The following EPX variants were observed in gnomAD, a reference collection of about 807,000 sequenced individuals.
EPX encodes the protein eosinophil peroxidase.
Under a neutral mutation model 73.0 loss-of-function variants are expected in EPX, and 60 were observed. The observed-to-expected ratio is 0.82, with a 90% CI of 0.67 to 1.02. The LOEUF (loss-of-function observed/expected upper bound fraction) is 1.02. Among genes scored for constraint, EPX ranks in the 50% least tolerant of loss-of-function variants. The probability of loss-of-function intolerance (pLI) is 0.00; values close to 1 mark genes in which losing one functional copy is unlikely to be tolerated. For synonymous variants in EPX, 347 were observed against 389.2 expected, an observed-to-expected ratio of 0.89 and a Z score of 1.28; for missense variants, 950 against 973.9, an observed-to-expected ratio of 0.98 and a Z score of 0.33.
intron 10 of EPX, chr17:58,202,275 C>T (rs1490719085): frequency 6.6e-6 from 1 of 152,290 alleles, no homozygotes; most frequent in Non-Finnish European, 1.5e-5. Flanking sequence ...GCAAAGCTAT[C>T]TCCTACCTTG....
rs35620058 is a variant in EPX at position 58,195,204 on chromosome 17, T to C, written c.801+34T>C. ...CCTCAGCCAATCTCCCATGCCCTTG[T>C]GTGGCCTCCCCCAAAGGCAAGGTGC... On this transcript the variant is annotated intron_variant, in intron 6 of 12. Transcript: ENST00000225371. 9.6e-3 allele frequency: 14,887 copies of C among 1,554,554 alleles called. 100 individuals carry two copies. Among genetic ancestry groups the C allele is most frequent in the Non-Finnish European group, 0.011 (12,666 of 1,127,266 alleles).
Position 58,199,526 on chromosome 17 carries a change from T to C in EPX, c.1282-13T>C, listed in dbSNP as rs1236608859. 6.2e-7 allele frequency: 1 copy of C among 1,613,936 alleles called. No homozygotes were observed. ...TAGCCTCTGGGGAATGTTCCTCCTG[T>C]CTTCCCTTCCAGATCATCACCTACC... On this transcript the variant is annotated splice_polypyrimidine_tract_variant and intron_variant, in intron 8 of 12. Transcript: ENST00000225371.
chr17:58,194,894 C>T (rs1968231359), intron 5 of EPX, 70 bp from the exon 6 acceptor site: 1 of 1,161,118 alleles, frequency 8.6e-7, no homozygotes, highest in Non-Finnish European at 1.3e-6. Flanking sequence ...CTCCCTGAGT[C>T]CTGGGTTGGC....
Position 58,192,772 on chromosome 17 carries a change from G to C in EPX, c.-75G>C, listed in dbSNP as rs759154867. ...GGTCGGCTGGGGGTCCTCAAAGTGAGAGGGGAGCAGAGGATCCTCCCGTGC... is the reference window on the plus strand; with the variant it reads ...GGTCGGCTGGGGGTCCTCAAAGTGACAGGGGAGCAGAGGATCCTCCCGTGC... On this transcript the variant is annotated 5_prime_UTR_variant, in exon 1 of 13. Transcript: ENST00000225371. The C allele has an allele frequency of 7.7e-7, 1 of 1,305,680 alleles. No individual in the cohort carries two copies. 80.9% of individuals were successfully genotyped at this position (1,305,680 alleles called of 1,614,324 possible).
intron 7 of EPX, 73 bp downstream of exon 7, chr17:58,197,330 G>A: frequency 6.4e-7 from 1 of 1,565,814 alleles, no homozygotes; most frequent in South Asian, 1.1e-5. Context: ...AAGCAATGGT[G>A]GGATGTGGTG....
Position 58,195,085 on chromosome 17 carries a change from C to T in EPX, c.716C>T (p.Pro239Leu), listed in dbSNP as rs755977833. The change falls in exon 6 of 13, where the codon CCG becomes CTG. Residue 239 changes from proline (P) to leucine (L), a missense_variant. Pro to Leu is a moderately conservative substitution (Grantham distance 98, BLOSUM62 -3). Transcript: ENST00000225371. ...QFIDHDLDFS[P>L]ESPARVAFTA... The stretch of plus-strand genomic sequence containing the variant: ...ATTGACCATGACCTGGACTTCTCCC[C>T]GGAGTCCCCGGCCAGAGTGGCCTTC... 35 of 1,613,826 alleles carry T rather than the reference C, an allele frequency of 2.2e-5. No individual in the cohort carries two copies. Among genetic ancestry groups the T allele is most frequent in the Non-Finnish European group, 2.8e-5 (33 of 1,179,790 alleles).
At chr17:58,203,802 G>T (rs1372012090) in intron 11 of EPX, among the ~76,000 whole-genome samples, 1 of 149,546 alleles carries the variant, frequency 6.7e-6, no homozygotes, top group Admixed American at 6.6e-5. Flanking sequence ...CGTAGTGGCG[G>T]GCGCCTGTAG....
intron 11 of EPX, among the ~76,000 whole-genome samples, chr17:58,203,569 T>C (rs1018157736): frequency 1.3e-5 from 2 of 152,100 alleles, no homozygotes; most frequent in Admixed American, 6.5e-5. Context: ...CTCACTATTC[T>C]GGGTTGGTGG....
chr17:58,198,116 G>A (rs575158703), intron 7 of EPX, among the ~76,000 whole-genome samples: 3 of 152,324 alleles, frequency 2.0e-5, no homozygotes, highest in African/African-American at 7.2e-5. Flanking sequence ...GATTACAGGT[G>A]TGAGCCACCA....
rs1252152480 is a variant in EPX, at chr17:58,197,127, C to T, written c.990C>T (p.Asn330=). 6.2e-7 allele frequency: 1 copy of T among 1,614,076 alleles called. No homozygotes were observed. Among genetic ancestry groups the T allele is most frequent in the Non-Finnish European group, 8.5e-7 (1 of 1,180,052 alleles). ...SLSLRLRNRT[N]YLGLLAINQR... is the part of the protein sequence containing the mutation. ...CGCTGCGGCTCCGCAACCGGACCAA[C>T]TACCTGGGGCTGCTGGCCATCAACC... Residue 330 remains asparagine (N), a synonymous_variant, in exon 7 of 13, where the codon AAC becomes AAT. Transcript: ENST00000225371.
At chr17:58,201,674 CA>C (rs1352031144) in intron 10 of EPX, among the ~76,000 whole-genome samples, 2 of 152,092 alleles carry the variant, frequency 1.3e-5, no homozygotes, top group Non-Finnish European at 2.9e-5. Context: ...CTTTGCCCAG[CA>C]GGATATGATA....
intron 6 of EPX, 75 bp downstream of exon 6, chr17:58,195,245 G>A (rs760730928): frequency 6.0e-6 from 7 of 1,176,058 alleles, no homozygotes; most frequent in Non-Finnish European, 7.6e-6. Flanking sequence ...GTGGGGATCT[G>A]GAAGACTGGA....
Position 58,204,757 on chromosome 17 carries a change from C to A in EPX, c.*33C>A. On this transcript the variant is annotated 3_prime_UTR_variant, in exon 13 of 13. Coordinates refer to ENST00000225371, the MANE Select transcript of EPX (RefSeq NM_000502.6). ...ACAGGAGTCTATCCCAAGTCTCCAA[C>A]TTTTGGAGACAAGGGGAAGGGGAGG... The A allele has an allele frequency of 6.4e-6, 2 of 310,574 alleles. No individual in the cohort carries two copies. The highest frequency in any genetic ancestry group is 1.2e-5 in the Non-Finnish European group (2 of 162,374). 19.2% of individuals were successfully genotyped at this position (310,574 alleles called of 1,614,324 possible).
chr17:58,203,887 C>A (rs912632233), intron 11 of EPX, among the ~76,000 whole-genome samples: 12 of 130,612 alleles, frequency 9.2e-5, no homozygotes, highest in African/African-American at 3.7e-4. Flanking sequence ...AGCCGAGATC[C>A]TGCCACTGCA....
chr17:58,195,200 C>T, intron 6 of EPX, 30 bp downstream of exon 6: 1 of 1,559,216 alleles, frequency 6.4e-7, no homozygotes. Flanking sequence ...CTCCCATGCC[C>T]TTGTGTGGCC....
At position 58,204,292 on chromosome 17, in the gene EPX, C is replaced by T. The variant is rs765654250; in HGVS notation, c.2017C>T (p.Arg673Ter). Residue 673 changes from arginine (R) to a stop codon, truncating the protein, a stop_gained, in exon 12 of 13, where the codon CGA becomes TGA. Coordinates refer to ENST00000225371, the MANE Select transcript of EPX (RefSeq NM_000502.6). LOFTEE classifies it high-confidence loss of function. Reference sequence around the variant, plus strand: ...GGCCCTGAGCAGAATTTCCTTGTCTCGAATTATATGTGACAATACCGGTAT... The same window carrying T: ...GGCCCTGAGCAGAATTTCCTTGTCTTGAATTATATGTGACAATACCGGTAT... ...RKALSRISLS[R>*]IICDNTGITT... 6 of 1,613,954 alleles carry T rather than the reference C, an allele frequency of 3.7e-6. No homozygotes were observed. Among genetic ancestry groups the T allele is most frequent in the East Asian group, 2.2e-5 (1 of 44,884 alleles).
chr17:58,195,711 C>T (rs755561331), intron 6 of EPX, among the ~76,000 whole-genome samples: 13 of 152,136 alleles, frequency 8.5e-5, no homozygotes, highest in East Asian at 7.7e-4. Context: ...CACACACACA[C>T]GTGCACACAC....
chr17:58,202,060 T>C (rs1968349365), intron 10 of EPX, among the ~76,000 whole-genome samples: 1 of 152,238 alleles, frequency 6.6e-6, no homozygotes, highest in South Asian at 2.1e-4. Context: ...AAGCCTATGG[T>C]TGCTCAACTT....
At chr17:58,195,926 C>A (rs974431127) in intron 6 of EPX, among the ~76,000 whole-genome samples, 1 of 148,242 alleles carries the variant, frequency 6.7e-6, no homozygotes, top group African/African-American at 2.5e-5. Flanking sequence ...CCTCCCCTCC[C>A]CTCTCCTCTC....
Sources: gnomAD v4.1 joint callset for allele counts (sites outside exome capture counted in the v4.1 genomes callset) on GRCh38, gnomAD v4.1.1 for gene constraint, MANE v1.5 for transcripts, NCBI Gene and HGNC (gene_info 2026-07-23, HGNC 2026-07-21) for gene names.